Variants in ADGRB3 observed in about 807,000 individuals in gnomAD.
The protein encoded by ADGRB3 is adhesion G protein-coupled receptor B3.
Under a neutral mutation model 193.4 loss-of-function variants are expected in ADGRB3, and 37 were observed. That is an observed-to-expected ratio of 0.19 (90% CI 0.15 to 0.25). ADGRB3 has a LOEUF of 0.25. Among genes scored for constraint, ADGRB3 ranks in the 10% least tolerant of loss-of-function variants. ADGRB3 has a pLI of 1.00. For synonymous variants in ADGRB3, 690 were observed against 644.2 expected (o/e 1.07, Z -1.08); for missense variants, 1,637 against 1,852.9 (o/e 0.88, Z 2.14).
chr6:69,062,158 C>G (rs907857451), intron 15 of ADGRB3, among the ~76,000 whole-genome samples: 4 of 151,766 alleles, frequency 2.6e-5, no homozygotes, highest in Admixed American at 6.6e-5. Flanking sequence ...ATCTTTAAAT[C>G]TCTAAATACT....
rs989555659 is a variant in ADGRB3, at chr6:69,201,603, A to G, written c.2481-31687A>G. Among the ~76,000 whole-genome samples the G allele has an allele frequency of 1.2e-4, 18 of 152,064 alleles. 1 individual carries two copies. The highest frequency in any genetic ancestry group is 4.1e-4 in the African/African-American group (17 of 41,402). On this transcript the variant is annotated intron_variant, in intron 17 of 31. Coordinates refer to ENST00000370598, the MANE Select transcript of ADGRB3 (RefSeq NM_001704.3). ...TTTATTGATTCAAAATATCAAAAGT[A>G]TATATTTTTATCTTCCTTATATGCC...
chr6:68,925,474 A>G lies in ADGRB3; in HGVS notation c.758-5085A>G, dbSNP rs377619241. ...TCTCAACAGAATTTACTTGCCTACC[A>G]TACCTTAAGCCAGTCAGATGATGGA... On this transcript the variant is annotated intron_variant, in intron 3 of 31. Transcript: ENST00000370598. Among the ~76,000 whole-genome samples, 33 of 152,090 alleles carry G rather than the reference A, an allele frequency of 2.2e-4. No homozygotes were observed. In the East Asian group the frequency reaches 2.3e-3, roughly 11 times the overall value.
At chr6:69,168,912 A>T (rs951144135) in intron 17 of ADGRB3, among the ~76,000 whole-genome samples, 8 of 151,758 alleles carry the variant, frequency 5.3e-5, no homozygotes, top group South Asian at 4.2e-4. Context: ...CATCTCATAA[A>T]TTTTTTTTAC....
At chr6:69,279,649 A>G (rs1487147742) in intron 20 of ADGRB3, among the ~76,000 whole-genome samples, 2 of 152,152 alleles carry the variant, frequency 1.3e-5, no homozygotes, top group Non-Finnish European at 2.9e-5. Flanking sequence ...ACCATTGTCA[A>G]GATTAATACC....
intron 29 of ADGRB3, 110 bp from the exon 30 acceptor site, chr6:69,372,296 T>C (rs143173364): frequency 7.2e-4 from 396 of 550,482 alleles, no homozygotes; most frequent in Non-Finnish European, 9.9e-4. Flanking sequence ...GAAATATGTA[T>C]AAAACAAGCA....
chr6:68,878,136 T>C (rs1325833098), intron 3 of ADGRB3, among the ~76,000 whole-genome samples: 1 of 152,084 alleles, frequency 6.6e-6, no homozygotes, highest in Non-Finnish European at 1.5e-5. Context: ...ATTTGGATTT[T>C]AATATAGTTA....
At chr6:68,967,464 C>T (rs551427828) in intron 8 of ADGRB3, among the ~76,000 whole-genome samples, 50 of 152,076 alleles carry the variant, frequency 3.3e-4, no homozygotes, top group South Asian at 1.5e-3. Context: ...CAGATATAGC[C>T]CTCCAAGGCC....
intron 19 of ADGRB3, among the ~76,000 whole-genome samples, chr6:69,238,311 G>T (rs914093487): frequency 6.6e-6 from 1 of 152,040 alleles, no homozygotes; most frequent in South Asian, 2.1e-4. Flanking sequence ...ACCACAGAAT[G>T]CAGTGAAGCA....
chr6:68,944,121 A>G (rs139383862), intron 6 of ADGRB3, 127 bp downstream of exon 6: 24,285 of 1,039,308 alleles, frequency 0.023, 336 homozygotes, highest in Non-Finnish European at 0.027. Context: ...TTTTCATTGT[A>G]TCTTGCCTAA....
At position 69,324,853 on chromosome 6, in the gene ADGRB3, T is replaced by C. The variant is rs754811160; in HGVS notation, c.2815-19T>C. ...CTCCCAGGTTCAGTGTGAGTCTTTT[T>C]GTTTGTTTGTTTCCACAGAGTATCT... On this transcript the variant is annotated intron_variant, in intron 20 of 31. Transcript: ENST00000370598. 2 of 1,610,770 alleles carry C rather than the reference T, an allele frequency of 1.2e-6. No homozygotes were observed. Among genetic ancestry groups the C allele is most frequent in the South Asian group, 1.1e-5 (1 of 90,658 alleles).
At chr6:69,031,465 TTTCTTACATGTTAACA>T (rs1277445929) in intron 13 of ADGRB3, among the ~76,000 whole-genome samples, 1 of 148,168 alleles carries the variant, frequency 6.7e-6, no homozygotes, top group Non-Finnish European at 1.5e-5. Context: ...AATTCTAGAG[TTTCTTACATGTTAACA>T]TGTAGACCTA....
At chr6:68,671,841 T>G (rs1582112974) in intron 3 of ADGRB3, among the ~76,000 whole-genome samples, 1 of 152,036 alleles carries the variant, frequency 6.6e-6, no homozygotes, top group Non-Finnish European at 1.5e-5. Context: ...GTAGGATTGG[T>G]ATTAGGTCTT....
intron 20 of ADGRB3, among the ~76,000 whole-genome samples, chr6:69,315,426 A>T (rs1459611646): frequency 6.6e-6 from 1 of 151,554 alleles, no homozygotes; most frequent in Non-Finnish European, 1.5e-5. Context: ...TTATTTTGCC[A>T]AATAAAAACT....
intron 20 of ADGRB3, among the ~76,000 whole-genome samples, chr6:69,309,056 C>T (rs1768125095): frequency 6.6e-6 from 1 of 151,678 alleles, no homozygotes. Context: ...ATCTCCACAA[C>T]AACAGTGATT....
intron 10 of ADGRB3, among the ~76,000 whole-genome samples, chr6:68,983,586 A>G (rs1768986905): frequency 1.3e-5 from 2 of 151,786 alleles, no homozygotes; most frequent in Admixed American, 6.6e-5. Flanking sequence ...GTGTTATTCA[A>G]TCATTTATGT....
intron 16 of ADGRB3, among the ~76,000 whole-genome samples, chr6:69,073,191 C>T (rs1772128992): frequency 6.6e-6 from 1 of 152,116 alleles, no homozygotes; most frequent in Admixed American, 6.5e-5. Context: ...TCAGGAAAGA[C>T]AGTGTTATTA....
At position 69,308,060 on chromosome 6, in the gene ADGRB3, T is replaced by C. The variant is rs545471559; in HGVS notation, c.2815-16812T>C. Among the ~76,000 whole-genome samples the C allele has an allele frequency of 2.0e-5, 3 of 151,646 alleles. No individual in the cohort carries two copies. In the South Asian group the frequency reaches 6.2e-4, roughly 31 times the overall value. On this transcript the variant is annotated intron_variant, in intron 20 of 31. Transcript: ENST00000370598. ...TAAGAAGTTTTAGATGTCTAAGATCTGCTCCAGCTTAAGAATTTGAGAAGA... is the reference window on the plus strand; with the variant it reads ...TAAGAAGTTTTAGATGTCTAAGATCCGCTCCAGCTTAAGAATTTGAGAAGA...
At chr6:69,246,155 A>C (rs1766494973) in intron 20 of ADGRB3, among the ~76,000 whole-genome samples, 1 of 152,150 alleles carries the variant, frequency 6.6e-6, no homozygotes, top group African/African-American at 2.4e-5. Context: ...TTTCTTCATA[A>C]GAATATAATG....
At chr6:68,930,216 A>G (rs915316300) in intron 3 of ADGRB3, among the ~76,000 whole-genome samples, 1 of 152,042 alleles carries the variant, frequency 6.6e-6, no homozygotes, top group African/African-American at 2.4e-5. Context: ...CTAAGTCAGG[A>G]TTCTCTCTCT....
Sources: gnomAD v4.1 joint callset for allele counts (sites outside exome capture counted in the v4.1 genomes callset) on GRCh38, gnomAD v4.1.1 for gene constraint, MANE v1.5 for transcripts, NCBI Gene and HGNC (gene_info 2026-07-23, HGNC 2026-07-21) for gene names.